Variants in GRIA2 observed in about 807,000 individuals in gnomAD.
The protein encoded by GRIA2 is glutamate ionotropic receptor AMPA type subunit 2.
In GRIA2, 14 loss-of-function variants were observed where a neutral mutation model predicts 97.3. The ratio of observed to expected loss-of-function variants is 0.14; its 90% CI spans 0.10 to 0.23. The LOEUF is 0.23. Ranked by LOEUF, GRIA2 falls within the 10% of genes least tolerant of loss-of-function variation. The pLI is 1.00. For synonymous variants in GRIA2, 412 were observed against 387.8 expected, an observed-to-expected ratio of 1.06 and a Z score of -0.73; for missense variants, 558 against 1,069.8, an observed-to-expected ratio of 0.52 and a Z score of 6.67.
intron 2 of GRIA2, among the ~76,000 whole-genome samples, chr4:157,246,647 C>G (rs546335629): frequency 6.6e-6 from 1 of 151,964 alleles, no homozygotes; most frequent in Non-Finnish European, 1.5e-5. Context: ...TTATAAATTG[C>G]GATGAGCTGC....
chr4:157,237,698 G>A (rs1042348600), intron 2 of GRIA2, among the ~76,000 whole-genome samples: 3 of 152,104 alleles, frequency 2.0e-5, no homozygotes, highest in Non-Finnish European at 2.9e-5. Context: ...GTAAAGTCAT[G>A]CAAGGCATTT....
chr4:157,298,168 G>T (rs1282662550), intron 2 of GRIA2, among the ~76,000 whole-genome samples: 1 of 152,068 alleles, frequency 6.6e-6, no homozygotes, highest in Non-Finnish European at 1.5e-5. Context: ...TGGGTCACAT[G>T]GCAGAACCAA....
rs982850931 is a variant in GRIA2, at chr4:157,278,794, A to T, written c.230-24758A>T. Reference sequence around the variant, plus strand: ...AATAAGGAAATGAATAACCTGAATAAAAAAAAATAGACAAAAGACTTGAAC... The same window carrying T: ...AATAAGGAAATGAATAACCTGAATATAAAAAAATAGACAAAAGACTTGAAC... On this transcript the variant is annotated intron_variant, in intron 2 of 15. Transcript: ENST00000264426. Among the ~76,000 whole-genome samples the T allele has an allele frequency of 1.3e-4, 7 of 53,592 alleles. No homozygotes were observed. In the African/African-American group the frequency reaches 2.9e-3, roughly 22 times the overall value. The allele number at this position is 53,592 out of a possible 152,430, so 35.2% of individuals were successfully genotyped here.
rs1579280830 is a variant in GRIA2, at chr4:157,220,971, A to C, written c.-72A>C. Reference sequence around the variant, plus strand: ...CAGAGGATCTAATTTGCAGAGGAAAACAGCCAAAGAAGGAAGAGGAGGAAA... The same window carrying C: ...CAGAGGATCTAATTTGCAGAGGAAACCAGCCAAAGAAGGAAGAGGAGGAAA... On this transcript the variant is annotated 5_prime_UTR_variant, in exon 1 of 16. Coordinates refer to ENST00000264426, the MANE Select transcript of GRIA2 (RefSeq NM_001083619.3). 1 of 804,474 alleles carries C rather than the reference A, an allele frequency of 1.2e-6. No homozygotes were observed. The highest frequency in any genetic ancestry group is 2.4e-5 in the East Asian group (1 of 41,188). 49.8% of individuals were successfully genotyped at this position (804,474 alleles called of 1,614,324 possible).
intron 12 of GRIA2, among the ~76,000 whole-genome samples, chr4:157,351,359 A>G (rs1579384923): frequency 6.6e-6 from 1 of 152,302 alleles, no homozygotes; most frequent in African/African-American, 2.4e-5. Flanking sequence ...TCATAGGGGT[A>G]TCACTTGCTC....
At chr4:157,335,551 A>G (rs1054110929) in intron 9 of GRIA2, 120 bp from the exon 10 acceptor site, 16 of 667,154 alleles carry the variant, frequency 2.4e-5, no homozygotes, top group African/African-American at 2.0e-4. Context: ...TGTGTTCACC[A>G]TCTATATTCT....
rs1736856655 is a variant in GRIA2 at position 157,365,719 on chromosome 4, T to A, written c.*2288T>A. On this transcript the variant is annotated 3_prime_UTR_variant, in exon 16 of 16. Coordinates refer to ENST00000264426, the MANE Select transcript of GRIA2 (RefSeq NM_001083619.3). ...CTGTGTGCATATAAGTGAAAAGTGG[T>A]CAAACAAGAGTGATGACAGCTGTCT... The A allele has an allele frequency of 6.6e-6, 1 of 151,944 alleles. No homozygotes were observed. Among genetic ancestry groups the A allele is most frequent in the Non-Finnish European group, 1.5e-5 (1 of 67,572 alleles). 9.4% of individuals were successfully genotyped at this position (151,944 alleles called of 1,614,324 possible). A position where few individuals can be genotyped will look rare whatever the true frequency, so the allele number is the denominator to read the frequency against.
chr4:157,247,990 G>A (rs1312533389), intron 2 of GRIA2, among the ~76,000 whole-genome samples: 1 of 151,996 alleles, frequency 6.6e-6, no homozygotes, highest in Admixed American at 6.6e-5. Context: ...AATATAACAA[G>A]TATAAACTCT....
At chr4:157,265,189 T>A (rs1438169960) in intron 2 of GRIA2, among the ~76,000 whole-genome samples, 1 of 152,114 alleles carries the variant, frequency 6.6e-6, no homozygotes, top group Non-Finnish European at 1.5e-5. Flanking sequence ...GTAACTCTGG[T>A]GAGCATTGGA....
chr4:157,234,352 T>A (rs1053404598), intron 2 of GRIA2, among the ~76,000 whole-genome samples: 6 of 152,084 alleles, frequency 3.9e-5, no homozygotes, highest in African/African-American at 1.4e-4. Context: ...TTTAATATAA[T>A]ACAACCATTC....
chr4:157,323,963 G>A (rs893695864), intron 6 of GRIA2, among the ~76,000 whole-genome samples: 1 of 152,076 alleles, frequency 6.6e-6, no homozygotes, highest in Non-Finnish European at 1.5e-5. Context: ...AGACTAATGT[G>A]TTTTAAAACT....
chr4:157,246,291 T>C (rs1386882399), intron 2 of GRIA2, among the ~76,000 whole-genome samples: 2 of 152,098 alleles, frequency 1.3e-5, no homozygotes, highest in Admixed American at 1.3e-4. Flanking sequence ...GTTACTTTGT[T>C]TGTGAAATTT....
chr4:157,229,319 G>T (rs951619140), intron 2 of GRIA2, among the ~76,000 whole-genome samples: 10 of 152,100 alleles, frequency 6.6e-5, no homozygotes, highest in Non-Finnish European at 1.0e-4. Flanking sequence ...GAAACACCTT[G>T]TTATTATATG....
At chr4:157,338,018 A>G (rs867325026) in intron 11 of GRIA2, among the ~76,000 whole-genome samples, 1,123 of 13,688 alleles carry the variant, frequency 0.082, 10 homozygotes, top group Middle Eastern at 0.25. Flanking sequence ...GTATATATAT[A>G]TATATATATA....
At chr4:157,311,259 T>A (rs528030367) in intron 3 of GRIA2, among the ~76,000 whole-genome samples, 1 of 152,160 alleles carries the variant, frequency 6.6e-6, no homozygotes, top group Admixed American at 6.5e-5. Context: ...GTCAAGCACG[T>A]TTTTAAAACA....
chr4:157,355,902 A>AATATATATATTAATATATTTATAT (rs1736280620), intron 12 of GRIA2, among the ~76,000 whole-genome samples: 2 of 71,076 alleles, frequency 2.8e-5, no homozygotes, highest in South Asian at 4.8e-4. Flanking sequence ...TTTATATATA[A>AATATATATATTAATATATTTATAT]ATATATATAT....
chr4:157,308,285 T>C (rs1433429265), intron 3 of GRIA2, among the ~76,000 whole-genome samples: 1 of 152,170 alleles, frequency 6.6e-6, no homozygotes, highest in Admixed American at 6.5e-5. Flanking sequence ...ATTGTCATTT[T>C]ATGAATAGGT....
chr4:157,351,956 G>C (rs903193983), intron 12 of GRIA2, among the ~76,000 whole-genome samples: 1 of 152,176 alleles, frequency 6.6e-6, no homozygotes, highest in African/African-American at 2.4e-5. Context: ...CTTTGTAACA[G>C]TATGAAAACG....
At chr4:157,326,923 G>A (rs898079844) in intron 6 of GRIA2, among the ~76,000 whole-genome samples, 1 of 152,070 alleles carries the variant, frequency 6.6e-6, no homozygotes, top group South Asian at 2.1e-4. Flanking sequence ...AGATTGCAGG[G>A]AGCGCTGGTG....
Sources: allele counts gnomAD v4.1 joint callset (sites outside exome capture counted in the v4.1 genomes callset), GRCh38; gene constraint gnomAD v4.1.1; transcripts MANE v1.5; gene names NCBI Gene and HGNC (gene_info 2026-07-23, HGNC 2026-07-21).